The following PTPDC1 variants were observed in gnomAD, a reference collection of about 807,000 sequenced individuals.
PTPDC1 encodes protein tyrosine phosphatase domain-containing protein 1.
In PTPDC1, 53 loss-of-function variants were observed where a neutral mutation model predicts 75.3. That is an observed-to-expected ratio of 0.70 (90% CI 0.56 to 0.88). The LOEUF is 0.88. Ranked by LOEUF, PTPDC1 falls within the 40% of genes least tolerant of loss-of-function variation. PTPDC1 has a pLI of 0.00. For missense variants in PTPDC1, 925 were observed against 998.6 expected (o/e 0.93, Z 0.99); for synonymous variants, 349 against 366.2 (o/e 0.95, Z 0.54).
At chr9:94,096,982 G>C (rs753112282) in intron 5 of PTPDC1, among the ~76,000 whole-genome samples, 7 of 152,136 alleles carry the variant, frequency 4.6e-5, no homozygotes, top group Admixed American at 6.5e-5. Flanking sequence ...AGTAGAACAA[G>C]GAGGATAGAT....
At chr9:94,037,804 A>C (rs1420427150) in intron 1 of PTPDC1, among the ~76,000 whole-genome samples, 1 of 152,134 alleles carries the variant, frequency 6.6e-6, no homozygotes, top group Non-Finnish European at 1.5e-5. Flanking sequence ...GAAGTCGCTG[A>C]AGGAAAGTTA....
intron 2 of PTPDC1, among the ~76,000 whole-genome samples, chr9:94,071,115 A>G (rs1826499768): frequency 6.6e-6 from 1 of 152,212 alleles, no homozygotes; most frequent in South Asian, 2.1e-4. Flanking sequence ...TAGTTGTACC[A>G]TTTTACATTC....
intron 7 of PTPDC1, among the ~76,000 whole-genome samples, chr9:94,103,027 C>CAT (rs3081833): frequency 0.62 from 93,213 of 151,514 alleles, 29,429 homozygotes; most frequent in African/African-American, 0.74. Context: ...CACACGGACA[C>CAT]ATGGACGGAT....
intron 1 of PTPDC1, among the ~76,000 whole-genome samples, chr9:94,053,779 G>A (rs568710776): frequency 2.0e-5 from 3 of 152,354 alleles, no homozygotes; most frequent in East Asian, 1.9e-4. Flanking sequence ...TGGGCAGGAA[G>A]TTAGAGATAT....
intron 7 of PTPDC1, among the ~76,000 whole-genome samples, chr9:94,102,424 G>A (rs1827875453): frequency 1.3e-5 from 2 of 151,806 alleles, no homozygotes; most frequent in African/African-American, 2.4e-5. Flanking sequence ...ATAAGAAACT[G>A]GTAATAGTGG....
At chr9:94,085,200 A>G (rs1265451301) in intron 1 of PTPDC1, 51 bp from the exon 2 acceptor site, 1 of 1,514,222 alleles carries the variant, frequency 6.6e-7, no homozygotes, top group African/African-American at 1.4e-5. Flanking sequence ...CCATGTTACA[A>G]TTTCATTTGG....
intron 4 of PTPDC1, 86 bp downstream of exon 4, chr9:94,088,349 G>A (rs1827150933): frequency 1.4e-6 from 2 of 1,461,322 alleles, no homozygotes; most frequent in Non-Finnish European, 1.9e-6. Flanking sequence ...TTAAAAAGAT[G>A]ATGGAAATAA....
chr9:94,097,394 A>C lies in PTPDC1; in HGVS notation c.828A>C (p.Ala276=). The C allele has an allele frequency of 1.2e-6, 2 of 1,614,114 alleles. No homozygotes were observed. Among genetic ancestry groups the C allele is most frequent in the Non-Finnish European group, 8.5e-7 (1 of 1,180,002 alleles). The change falls in exon 6 of 9, where the codon GCA becomes GCC. Residue 276 remains alanine, a synonymous_variant. Coordinates refer to ENST00000620992, the MANE Select transcript of PTPDC1 (RefSeq NM_001253829.2). ...ACCAAGCAATTATATTTGTGCGGGC[A>C]AAGCGACCCAATTCCATACAAACCA... is the stretch of plus-strand genomic sequence containing the variant. ...TADQAIIFVR[A]KRPNSIQTRG...
At chr9:94,046,113 A>G (rs1406562982) in intron 1 of PTPDC1, among the ~76,000 whole-genome samples, 2 of 152,140 alleles carry the variant, frequency 1.3e-5, no homozygotes, top group African/African-American at 2.4e-5. Flanking sequence ...TCCTTTCCCC[A>G]TTGCTTGTTT....
chr9:94,077,720 T>C (rs939891183), intron 2 of PTPDC1, among the ~76,000 whole-genome samples: 1 of 152,172 alleles, frequency 6.6e-6, no homozygotes, highest in African/African-American at 2.4e-5. Flanking sequence ...CATGATTGAC[T>C]AAACCACTGG....
At chr9:94,032,892 C>T (rs566606529) in intron 1 of PTPDC1, among the ~76,000 whole-genome samples, 1 of 152,064 alleles carries the variant, frequency 6.6e-6, no homozygotes, top group Non-Finnish European at 1.5e-5. Flanking sequence ...AACAGTGTCT[C>T]GCTCAGGTGC....
intron 8 of PTPDC1, among the ~76,000 whole-genome samples, chr9:94,104,903 A>C (rs10993055): frequency 0.13 from 19,559 of 152,248 alleles, 1,473 homozygotes; most frequent in East Asian, 0.21. Flanking sequence ...AAGAAAGAAG[A>C]AGCAGCCAGG....
intron 1 of PTPDC1, among the ~76,000 whole-genome samples, chr9:94,057,177 C>G (rs748051885): frequency 9.9e-5 from 15 of 152,172 alleles, no homozygotes; most frequent in Non-Finnish European, 2.1e-4. Flanking sequence ...CTCCTAGGAT[C>G]AGGTAATCCT....
Position 94,097,312 on chromosome 9 carries a change from A to G in PTPDC1, c.755-9A>G. 5.2e-6 allele frequency: 8 copies of G among 1,544,164 alleles called. No homozygotes were observed. The highest frequency in any genetic ancestry group is 6.2e-6 in the Non-Finnish European group (7 of 1,136,788). On this transcript the variant is annotated splice_polypyrimidine_tract_variant and intron_variant, in intron 5 of 8. Transcript: ENST00000620992. ...TTCTCATACCAGTCTTCTCTTCTTCACTGTTTAGGTGTTTTAATAGCCTGT... is the reference window on the plus strand; with the variant it reads ...TTCTCATACCAGTCTTCTCTTCTTCGCTGTTTAGGTGTTTTAATAGCCTGT...
upstream of PTPDC1, among the ~76,000 whole-genome samples, chr9:94,084,036 T>C (rs1233243985): frequency 6.6e-6 from 1 of 152,242 alleles, no homozygotes; most frequent in Non-Finnish European, 1.5e-5. Context: ...CATATCCCAC[T>C]TTATTACAAT....
rs111454938 is a variant in PTPDC1 at position 94,108,064 on chromosome 9, A to G, written c.*120A>G. 8.5e-6 allele frequency: 4 copies of G among 468,746 alleles called. No homozygotes were observed. The highest frequency in any genetic ancestry group is 8.1e-5 in the African/African-American group (4 of 49,614). 29.0% of individuals were successfully genotyped at this position (468,746 alleles called of 1,614,324 possible). A position where few individuals can be genotyped will look rare whatever the true frequency, so the allele number is the denominator to read the frequency against. ...ATAGCACTTTATTTTGAATGTTGTT[A>G]GTTTGTGCTGAGAATGGTCGTCCGT... On this transcript the variant is annotated 3_prime_UTR_variant, in exon 9 of 9. Transcript: ENST00000620992.
intron 7 of PTPDC1, 42 bp downstream of exon 7, chr9:94,101,793 C>G: frequency 8.4e-7 from 1 of 1,190,172 alleles, no homozygotes; most frequent in Non-Finnish European, 1.1e-6. Flanking sequence ...TAACTGAGGC[C>G]CTTAGTTTTT....
At position 94,087,835 on chromosome 9, in the gene PTPDC1, A is replaced by C; in HGVS notation, c.421A>C (p.Thr141Pro). ...AIKGVYSSWV[T>P]DNILAMARPS... ...AGTCCCTCCACCTATTTGCAGGGTCACTGATAATATACTGGCCATGGCCCG... is the reference window on the plus strand; with the variant it reads ...AGTCCCTCCACCTATTTGCAGGGTCCCTGATAATATACTGGCCATGGCCCG... Residue 141 changes from threonine (T) to proline (P), a missense_variant, in exon 3 of 9, where the codon ACT becomes CCT. Transcript: ENST00000620992. 1 of 1,612,798 alleles carries C rather than the reference A, an allele frequency of 6.2e-7. No homozygotes were observed. Among genetic ancestry groups the C allele is most frequent in the Middle Eastern group, 1.7e-4 (1 of 6,058 alleles).
At chr9:94,084,124 G>A (rs1399597536), upstream of PTPDC1, among the ~76,000 whole-genome samples, 2 of 152,164 alleles carry the variant, frequency 1.3e-5, no homozygotes, top group African/African-American at 4.8e-5. Flanking sequence ...GTTGTGAACA[G>A]AATAACAGAA....
Sources: allele counts gnomAD v4.1 joint callset (sites outside exome capture counted in the v4.1 genomes callset), GRCh38; gene constraint gnomAD v4.1.1; transcripts MANE v1.5; gene names NCBI Gene and HGNC (gene_info 2026-07-23, HGNC 2026-07-21).